The following TNPO3 variants were observed in gnomAD, a reference collection of about 807,000 sequenced individuals.
TNPO3 encodes the protein transportin 3, also known as transportin-3.
TNPO3 carries 65 observed loss-of-function variants against 122.8 expected under a neutral mutation model. The ratio of observed to expected loss-of-function variants is 0.53; its 90% CI spans 0.43 to 0.65. The LOEUF is 0.65. TNPO3 is among the 30% of genes least tolerant of loss of function. TNPO3 has a pLI of 0.00. For synonymous variants in TNPO3, 372 were observed against 411.2 expected, an observed-to-expected ratio of 0.90 and a Z score of 1.15; for missense variants, 850 against 1,136.7, an observed-to-expected ratio of 0.75 and a Z score of 3.63.
At chr7:129,013,676 T>A (rs545121219) in intron 4 of TNPO3, among the ~76,000 whole-genome samples, 1 of 152,294 alleles carries the variant, frequency 6.6e-6, no homozygotes, top group East Asian at 1.9e-4. Flanking sequence ...CCCATGTTTA[T>A]TGCAGCACTA....
chr7:128,990,974 A>C (rs926792142), intron 10 of TNPO3, among the ~76,000 whole-genome samples: 8 of 138,520 alleles, frequency 5.8e-5, no homozygotes, highest in African/African-American at 2.0e-4. Flanking sequence ...AAATGCATAT[A>C]AACAAAAAAA....
At chr7:129,005,356 G>T (rs895431200) in intron 4 of TNPO3, among the ~76,000 whole-genome samples, 197 bp from the exon 5 acceptor site, 4 of 151,848 alleles carry the variant, frequency 2.6e-5, no homozygotes, top group Non-Finnish European at 5.9e-5. Flanking sequence ...GCCCAGGCAG[G>T]ACTACAGGCA....
rs372680752 is a variant in TNPO3, at chr7:128,956,347, G to C, written c.*31+877C>G. On this transcript the variant is annotated intron_variant, in intron 22 of 22. Coordinates refer to ENST00000265388, the MANE Select transcript of TNPO3 (RefSeq NM_012470.4). ...GAGACATCAAAGGGTGGGCTTAGAG[G>C]AGAGCTACCTTTCTTCTCTCCATCA... Among the ~76,000 whole-genome samples, 33 of 152,258 alleles carry C rather than the reference G, an allele frequency of 2.2e-4. 1 individual carries two copies. The South Asian group carries it at 4.3e-3, about 20-fold the overall frequency.
At chr7:128,995,581 G>A (rs1369156156) in intron 8 of TNPO3, among the ~76,000 whole-genome samples, 5 of 152,206 alleles carry the variant, frequency 3.3e-5, no homozygotes, top group Non-Finnish European at 7.3e-5. Context: ...CAAGGGAAAT[G>A]GTGCCACAGA....
At chr7:128,957,724 T>C (rs1422656326) in intron 21 of TNPO3, among the ~76,000 whole-genome samples, 1 of 152,252 alleles carries the variant, frequency 6.6e-6, no homozygotes, top group Non-Finnish European at 1.5e-5. Context: ...TCAATAAATG[T>C]AGGCTGCTAC....
chr7:129,047,324 C>T (rs547975605), intron 1 of TNPO3, among the ~76,000 whole-genome samples: 1 of 152,304 alleles, frequency 6.6e-6, no homozygotes, highest in South Asian at 2.1e-4. Flanking sequence ...CCTTCAATAG[C>T]TCTCTACAAC....
At chr7:128,970,356 T>C in intron 19 of TNPO3, 41 bp from the exon 20 acceptor site, 2 of 1,526,060 alleles carry the variant, frequency 1.3e-6, no homozygotes, top group Non-Finnish European at 8.8e-7. Context: ...AATTCTAGTC[T>C]CAACTTCCCA....
At chr7:128,991,141 C>T (rs1298119406) in intron 10 of TNPO3, among the ~76,000 whole-genome samples, 5 of 152,026 alleles carry the variant, frequency 3.3e-5, no homozygotes, top group Non-Finnish European at 7.4e-5. Context: ...AAAATGACAC[C>T]AAAATTGGTT....
intron 21 of TNPO3, among the ~76,000 whole-genome samples, chr7:128,958,433 G>A (rs1038719411): frequency 6.6e-6 from 1 of 152,034 alleles, no homozygotes; most frequent in Non-Finnish European, 1.5e-5. Flanking sequence ...ATGAGCCACC[G>A]CGCCCAGCCA....
upstream of TNPO3, chr7:129,055,868 C>G: frequency 1.7e-6 from 1 of 593,466 alleles, no homozygotes; most frequent in East Asian, 2.8e-5. Context: ...GTCCTTTGCA[C>G]TAGTAAATAA....
At chr7:128,956,324 G>A (rs569942550) in intron 22 of TNPO3, among the ~76,000 whole-genome samples, 10 of 152,304 alleles carry the variant, frequency 6.6e-5, no homozygotes, top group African/African-American at 2.2e-4. Context: ...CTCACCTTGA[G>A]ACATCAAAGG....
At chr7:129,049,120 G>T (rs1316833596) in intron 1 of TNPO3, among the ~76,000 whole-genome samples, 5 of 152,198 alleles carry the variant, frequency 3.3e-5, no homozygotes, top group Admixed American at 1.3e-4. Context: ...GTTAGTTTCT[G>T]CATTTGAAGA....
At chr7:129,009,536 C>T (rs1802951908) in intron 4 of TNPO3, among the ~76,000 whole-genome samples, 1 of 152,168 alleles carries the variant, frequency 6.6e-6, no homozygotes, top group South Asian at 2.1e-4. Flanking sequence ...TTTCAGACTG[C>T]ATCACAGTTC....
chr7:129,000,577 A>G lies in TNPO3; in HGVS notation c.873-10T>C. 6.2e-7 allele frequency: 1 copy of G among 1,610,742 alleles called. No individual in the cohort carries two copies. The highest frequency in any genetic ancestry group is 8.5e-7 in the Non-Finnish European group (1 of 1,178,268). On this transcript the variant is annotated splice_polypyrimidine_tract_variant and intron_variant, in intron 6 of 22. Coordinates refer to ENST00000265388, the MANE Select transcript of TNPO3 (RefSeq NM_012470.4). ...GCAGTAATTCAGAACTCTGTAGAAGACAGGGGAATGAGAACAATGAGTCAG... is the reference window on the plus strand; with the variant it reads ...GCAGTAATTCAGAACTCTGTAGAAGGCAGGGGAATGAGAACAATGAGTCAG...
intron 20 of TNPO3, 86 bp downstream of exon 20, chr7:128,970,062 G>A: frequency 6.5e-7 from 1 of 1,546,898 alleles, no homozygotes; most frequent in Non-Finnish European, 8.9e-7. Context: ...AACAGGGCTA[G>A]TTTCAAAATT....
intron 11 of TNPO3, 69 bp downstream of exon 11, chr7:128,989,892 G>T (rs1585337762): frequency 5.1e-6 from 8 of 1,558,684 alleles, no homozygotes; most frequent in Middle Eastern, 1.8e-4. Flanking sequence ...ACATGCAAAA[G>T]TAAGAGATGA....
upstream of TNPO3, chr7:129,056,029 C>A: frequency 9.0e-7 from 1 of 1,116,358 alleles, no homozygotes; most frequent in Non-Finnish European, 1.3e-6. Context: ...ATGGCGCCCT[C>A]CAGGAAGTTC....
intron 16 of TNPO3, among the ~76,000 whole-genome samples, chr7:128,977,769 T>G (rs1368941331): frequency 6.6e-6 from 1 of 152,134 alleles, no homozygotes; most frequent in Admixed American, 6.5e-5. Flanking sequence ...GCTAATTTTT[T>G]GTATTTTTAG....
chr7:129,030,888 C>T (rs1461042991), intron 1 of TNPO3, among the ~76,000 whole-genome samples: 2 of 152,034 alleles, frequency 1.3e-5, no homozygotes, highest in East Asian at 1.9e-4. Context: ...TGTACAATGG[C>T]GGAATGGGCC....
Sources: gnomAD v4.1 joint callset for allele counts (sites outside exome capture counted in the v4.1 genomes callset) on GRCh38, gnomAD v4.1.1 for gene constraint, MANE v1.5 for transcripts, NCBI Gene and HGNC (gene_info 2026-07-23, HGNC 2026-07-21) for gene names.